Variants in NRCAM observed in about 807,000 individuals in gnomAD.
The protein encoded by NRCAM is NgCAM-related cell adhesion molecule.
In NRCAM, 83 loss-of-function variants were observed where a neutral mutation model predicts 156.5. The ratio of observed to expected loss-of-function variants is 0.53; its 90% CI spans 0.44 to 0.64. The LOEUF is 0.64. NRCAM is among the 30% of genes least tolerant of loss of function. The pLI, the probability that NRCAM is intolerant of heterozygous loss-of-function variation, is 0.00. For synonymous variants in NRCAM, 538 were observed against 563.9 expected, an observed-to-expected ratio of 0.95 and a Z score of 0.65; for missense variants, 1,417 against 1,597.3, an observed-to-expected ratio of 0.89 and a Z score of 1.92.
rs555637304 is a variant in NRCAM at position 108,349,458 on chromosome 7, C to T, written c.-173-36727G>A. Among the ~76,000 whole-genome samples the T allele has an allele frequency of 1.7e-3, 253 of 151,744 alleles. 1 individual carries two copies. Among genetic ancestry groups the T allele is most frequent in the African/African-American group, 5.9e-3 (244 of 41,398 alleles). On this transcript the variant is annotated intron_variant, in intron 2 of 32. Transcript: ENST00000379028. ...TAATTTTTTGTATTTTTAGTAGAGA[C>T]GGGGTTTCACTGTGTTAGCCAGGAA...
chr7:108,239,659 G>T (rs1249650490), intron 4 of NRCAM, among the ~76,000 whole-genome samples: 1 of 152,172 alleles, frequency 6.6e-6, no homozygotes, highest in African/African-American at 2.4e-5. Context: ...CTGTTGGGAA[G>T]ATCAGGCAGC....
intron 1 of NRCAM, among the ~76,000 whole-genome samples, chr7:108,444,584 A>G (rs1842387501): frequency 6.6e-6 from 1 of 152,056 alleles, no homozygotes; most frequent in Non-Finnish European, 1.5e-5. Flanking sequence ...TGTTCCATGC[A>G]TCTCTCCTGG....
At chr7:108,397,856 C>T (rs749430420) in intron 2 of NRCAM, among the ~76,000 whole-genome samples, 5 of 151,872 alleles carry the variant, frequency 3.3e-5, no homozygotes, top group Non-Finnish European at 5.9e-5. Flanking sequence ...GAAAGGTCAC[C>T]GTATTTGTCT....
At chr7:108,159,312 G>T (rs2047419383) in intron 32 of NRCAM, 151 bp downstream of exon 32, 2 of 769,878 alleles carry the variant, frequency 2.6e-6, no homozygotes, top group South Asian at 2.9e-5. Context: ...GACCATGAGG[G>T]ACATGTAAAC....
intron 28 of NRCAM, among the ~76,000 whole-genome samples, chr7:108,171,773 T>C (rs1049546287): frequency 6.6e-6 from 1 of 152,232 alleles, no homozygotes; most frequent in African/African-American, 2.4e-5. Flanking sequence ...ACTGTCTTTA[T>C]ACACAGCTTC....
At chr7:108,162,256 T>A (rs1413419321) in intron 30 of NRCAM, among the ~76,000 whole-genome samples, 1 of 152,150 alleles carries the variant, frequency 6.6e-6, no homozygotes, top group Non-Finnish European at 1.5e-5. Flanking sequence ...TCTGCAAAAA[T>A]CTTAAGTTAA....
Position 108,194,321 on chromosome 7 carries a change from G to T in NRCAM, c.1571C>A (p.Thr524Lys). ...VAQKDSTGTY[T>K]CVARNKLGMA... ...CCCTAATTTATTCCTTGCAACACAC[G>T]TATAAGTTCCTGTACTGTCCTTTTG... Residue 524 changes from threonine to lysine, a missense_variant, in exon 16 of 33, where the codon ACG becomes AAG. Around this residue, in one of 2 missense-constraint regions of NRCAM, gnomAD observed 1,238 missense variants for 1,336.4 expected, o/e 0.93. Coordinates refer to ENST00000379028, the MANE Select transcript of NRCAM (RefSeq NM_001037132.4). The T allele has an allele frequency of 6.2e-7, 1 of 1,613,526 alleles. No homozygotes were observed. The highest frequency in any genetic ancestry group is 8.5e-7 in the Non-Finnish European group (1 of 1,179,570).
At chr7:108,280,991 A>G (rs1035234511) in intron 3 of NRCAM, among the ~76,000 whole-genome samples, 1 of 152,212 alleles carries the variant, frequency 6.6e-6, no homozygotes, top group Non-Finnish European at 1.5e-5. Flanking sequence ...CAGTTTTTAG[A>G]TATGGGTTCC....
intron 1 of NRCAM, among the ~76,000 whole-genome samples, chr7:108,402,286 C>A (rs1307252239): frequency 6.6e-6 from 1 of 152,130 alleles, no homozygotes; most frequent in Non-Finnish European, 1.5e-5. Flanking sequence ...TAAATTATTT[C>A]TTTTATTTGT....
intron 2 of NRCAM, among the ~76,000 whole-genome samples, chr7:108,323,119 G>A (rs554038582): frequency 3.3e-5 from 5 of 152,276 alleles, no homozygotes; most frequent in Admixed American, 6.5e-5. Context: ...TTTAGTCAGA[G>A]GTGAATTAAC....
chr7:108,211,300 C>A (rs2084203891), intron 11 of NRCAM, among the ~76,000 whole-genome samples: 1 of 152,098 alleles, frequency 6.6e-6, no homozygotes, highest in Non-Finnish European at 1.5e-5. Flanking sequence ...AGGAGGGCAG[C>A]CAGAGGTGTG....
intron 28 of NRCAM, among the ~76,000 whole-genome samples, chr7:108,169,930 A>G (rs2057415879): frequency 6.6e-6 from 1 of 152,220 alleles, no homozygotes; most frequent in Admixed American, 6.5e-5. Context: ...AGAGCAAAAT[A>G]CTTCTAACGG....
intron 1 of NRCAM, among the ~76,000 whole-genome samples, chr7:108,453,533 C>A (rs1852923509): frequency 6.6e-6 from 1 of 152,212 alleles, no homozygotes; most frequent in African/African-American, 2.4e-5. Context: ...AAGACCTCAT[C>A]ACTACCCTGC....
chr7:108,258,269 C>T (rs987761385), intron 3 of NRCAM, among the ~76,000 whole-genome samples: 9 of 152,202 alleles, frequency 5.9e-5, no homozygotes, highest in African/African-American at 1.9e-4. Flanking sequence ...AACAGCCTTG[C>T]GTGTGGTGCT....
chr7:108,325,200 T>C (rs1052492446), intron 2 of NRCAM, among the ~76,000 whole-genome samples: 1 of 152,106 alleles, frequency 6.6e-6, no homozygotes, highest in African/African-American at 2.4e-5. Flanking sequence ...AGAGAAAATG[T>C]GTAAGCAGAA....
At chr7:108,449,544 C>CA (rs1255298582) in intron 1 of NRCAM, among the ~76,000 whole-genome samples, 1 of 152,138 alleles carries the variant, frequency 6.6e-6, no homozygotes, top group Non-Finnish European at 1.5e-5. Context: ...CTCAAAGAAC[C>CA]AAAAAACTCC....
chr7:108,351,846 T>C (rs16872497), intron 2 of NRCAM, among the ~76,000 whole-genome samples: 14,270 of 152,194 alleles, frequency 0.094, 804 homozygotes, highest in African/African-American at 0.15. Flanking sequence ...ATTTGTCTTT[T>C]TGCATTTCCA....
At chr7:108,153,948 A>C (rs1180354696) in intron 32 of NRCAM, among the ~76,000 whole-genome samples, 6 of 152,190 alleles carry the variant, frequency 3.9e-5, no homozygotes. Flanking sequence ...AATGTTCTAC[A>C]TCCATGGATA....
At chr7:108,242,105 C>T (rs903443280) in intron 3 of NRCAM, among the ~76,000 whole-genome samples, 1 of 151,546 alleles carries the variant, frequency 6.6e-6, no homozygotes, top group African/African-American at 2.4e-5. Context: ...GAAATCCCGT[C>T]CCTACTAAAA....
Sources: allele counts gnomAD v4.1 joint callset (sites outside exome capture counted in the v4.1 genomes callset), GRCh38; gene constraint gnomAD v4.1.1; regional missense constraint gnomAD v4.1.1; transcripts MANE v1.5; gene names NCBI Gene and HGNC (gene_info 2026-07-23, HGNC 2026-07-21).